The following TWSG1 variants were observed in gnomAD, a reference collection of about 807,000 sequenced individuals.
TWSG1 encodes twisted gastrulation BMP signaling modulator 1.
TWSG1 carries 15 observed loss-of-function variants against 23.0 expected under a neutral mutation model. The ratio of observed to expected loss-of-function variants is 0.65; its 90% confidence interval spans 0.44 to 1.00. TWSG1 has a LOEUF of 1.00. Among genes scored for constraint, TWSG1 ranks in the 50% least tolerant of loss-of-function variants. TWSG1 has a pLI of 0.00. For missense variants in TWSG1, 242 were observed against 278.7 expected (o/e 0.87, Z 0.94); for synonymous variants, 86 against 92.8 (o/e 0.93, Z 0.42).
intron 3 of TWSG1, among the ~76,000 whole-genome samples, chr18:9,365,411 G>A (rs1179801253): frequency 1.3e-5 from 2 of 151,988 alleles, no homozygotes; most frequent in African/African-American, 2.4e-5. Context: ...GCAGTTGCTC[G>A]TGCCTATAAT....
At position 9,369,797 on chromosome 18, in the gene TWSG1, T is replaced by C. The variant is rs143099413; in HGVS notation, c.223+9726T>C. Among the ~76,000 whole-genome samples the C allele has an allele frequency of 1.3e-4, 20 of 152,128 alleles. No individual in the cohort carries two copies. The East Asian group carries it at 3.5e-3, about 27-fold the overall frequency. The stretch of plus-strand genomic sequence containing the variant: ...CTTCCCACCTCAGCCTCCCAAAGCA[T>C]TGGGATTACAGGCGTGAGCCACCAT... On this transcript the variant is annotated intron_variant, in intron 3 of 4. Coordinates refer to ENST00000262120, the MANE Select transcript of TWSG1 (RefSeq NM_020648.6).
At chr18:9,373,318 C>T (rs1339171192) in intron 3 of TWSG1, among the ~76,000 whole-genome samples, 1 of 152,072 alleles carries the variant, frequency 6.6e-6, no homozygotes, top group African/African-American at 2.4e-5. Context: ...CACTTGAGGG[C>T]AGGAGTTCAA....
In TWSG1 at chr18:9,336,947, G is replaced by T. The variant is rs563854578; in HGVS notation, c.-37-246G>T. Among the ~76,000 whole-genome samples the T allele has an allele frequency of 3.3e-5, 5 of 152,282 alleles. No homozygotes were observed. The South Asian group carries it at 1.0e-3, about 32-fold the overall frequency. On this transcript the variant is annotated intron_variant, in intron 1 of 4. Coordinates refer to ENST00000262120, the MANE Select transcript of TWSG1 (RefSeq NM_020648.6). ...TTTGAAGGCCAGGCATGGTGGTATT[G>T]TCTGTAGTCCCAGATAACTGGGAGG...
intron 3 of TWSG1, among the ~76,000 whole-genome samples, chr18:9,366,037 G>C (rs6506655): frequency 6.6e-6 from 1 of 151,966 alleles, no homozygotes; most frequent in African/African-American, 2.4e-5. Flanking sequence ...AATAACTTGT[G>C]CCAATAAATA....
intron 2 of TWSG1, among the ~76,000 whole-genome samples, chr18:9,344,491 ATGTG>A (rs57863617): frequency 2.9e-5 from 4 of 136,766 alleles, no homozygotes; most frequent in East Asian, 2.2e-4. Flanking sequence ...TAGTGAATGC[ATGTG>A]TGTGTGTGTG....
At chr18:9,353,560 T>C (rs1382096810) in intron 2 of TWSG1, among the ~76,000 whole-genome samples, 1 of 152,220 alleles carries the variant, frequency 6.6e-6, no homozygotes, top group East Asian at 1.9e-4. Context: ...TTTTCCATCA[T>C]AAAATTATTG....
chr18:9,367,484 C>T (rs7244170), intron 3 of TWSG1, among the ~76,000 whole-genome samples: 10,222 of 152,136 alleles, frequency 0.067, 408 homozygotes, highest in Admixed American at 0.089. Flanking sequence ...ATGATGTCCT[C>T]CAGGTTCATC....
At chr18:9,389,475 T>A (rs560557630) in intron 3 of TWSG1, among the ~76,000 whole-genome samples, 63 of 152,298 alleles carry the variant, frequency 4.1e-4, no homozygotes, top group African/African-American at 1.5e-3. Context: ...ATTGGACAAG[T>A]CATTTGACTT....
At chr18:9,363,240 A>G (rs2040560947) in intron 3 of TWSG1, among the ~76,000 whole-genome samples, 1 of 152,168 alleles carries the variant, frequency 6.6e-6, no homozygotes, top group Non-Finnish European at 1.5e-5. Context: ...AGTAACCACC[A>G]TAGTTGATTT....
chr18:9,359,999 G>A lies in TWSG1; in HGVS notation c.151G>A (p.Gly51Ser). 6.2e-7 allele frequency: 1 copy of A among 1,613,606 alleles called. No homozygotes were observed. The highest frequency in any genetic ancestry group is 1.1e-5 in the South Asian group (1 of 91,044). The change falls in exon 3 of 5, where the codon GGC becomes AGC. Residue 51 changes from glycine (G) to serine (S), a missense_variant. Transcript: ENST00000262120. ...GCTCTGCCAGTGCCGGCCGGGAGAAGGCAATTGCTCCTGCTGTAAGGAGTG... is the reference window on the plus strand; with the variant it reads ...GCTCTGCCAGTGCCGGCCGGGAGAAAGCAATTGCTCCTGCTGTAAGGAGTG... ...QELCQCRPGEGNCSCCKECML... is the reference protein window; with the variant it reads ...QELCQCRPGESNCSCCKECML...
intron 2 of TWSG1, among the ~76,000 whole-genome samples, chr18:9,351,057 A>T (rs2040499828): frequency 6.6e-6 from 1 of 152,136 alleles, no homozygotes; most frequent in South Asian, 2.1e-4. Context: ...AATTAGATTT[A>T]TTCCTACATT....
chr18:9,359,906 T>C, intron 2 of TWSG1, 66 bp from the exon 3 acceptor site: 1 of 1,339,892 alleles, frequency 7.5e-7, no homozygotes, highest in Admixed American at 1.9e-5. Context: ...GGTTTTTTGC[T>C]TAAAAAGTAG....
At chr18:9,381,324 A>T (rs1418445331) in intron 3 of TWSG1, among the ~76,000 whole-genome samples, 2 of 152,190 alleles carry the variant, frequency 1.3e-5, no homozygotes, top group African/African-American at 4.8e-5. Context: ...GGACCCCTCT[A>T]TACTCTGAAA....
At position 9,385,621 on chromosome 18, in the gene TWSG1, G is replaced by A. The variant is rs1253519581; in HGVS notation, c.224-10659G>A. Among the ~76,000 whole-genome samples, 10 of 41,126 alleles carry A rather than the reference G, an allele frequency of 2.4e-4. 3 individuals are homozygous for A. Among genetic ancestry groups the A allele is most frequent in the Non-Finnish European group, 4.3e-4 (9 of 21,082 alleles). 27.0% of individuals were successfully genotyped at this position (41,126 alleles called of 152,430 possible). ...GGAGAATGGCGTGAACCCGGGAAGC[G>A]GAGCTTGCAGTGAGCCGAGATTGCG... On this transcript the variant is annotated intron_variant, in intron 3 of 4. Coordinates refer to ENST00000262120, the MANE Select transcript of TWSG1 (RefSeq NM_020648.6).
Position 9,385,689 on chromosome 18 carries a change from C to G in TWSG1, c.224-10591C>G, listed in dbSNP as rs1393459388. On this transcript the variant is annotated intron_variant, in intron 3 of 4. Coordinates refer to ENST00000262120, the MANE Select transcript of TWSG1 (RefSeq NM_020648.6). Reference sequence around the variant, plus strand: ...CCGACCTGGGCGACAGAGCGAGACTCCGTCTCAAAAAAAAAAAAAAAAAAA... The same window carrying G: ...CCGACCTGGGCGACAGAGCGAGACTGCGTCTCAAAAAAAAAAAAAAAAAAA... Among the ~76,000 whole-genome samples the G allele has an allele frequency of 1.3e-4, 2 of 15,100 alleles. 1 individual carries two copies. The highest frequency in any genetic ancestry group is 2.1e-4 in the Non-Finnish European group (2 of 9,556). The allele number at this position is 15,100 out of a possible 152,430, so 9.9% of individuals were successfully genotyped here. A position where few individuals can be genotyped will look rare whatever the true frequency, so the allele number is the denominator to read the frequency against.
chr18:9,380,023 A>G (rs2040648936), intron 3 of TWSG1, among the ~76,000 whole-genome samples: 2 of 152,254 alleles, frequency 1.3e-5, no homozygotes, highest in Non-Finnish European at 1.5e-5. Flanking sequence ...TCTTAACATC[A>G]GGCATTCCCT....
At chr18:9,397,092 A>C (rs370248802) in intron 4 of TWSG1, 2 of 153,914 alleles carry the variant, frequency 1.3e-5, no homozygotes, top group South Asian at 2.0e-4. Context: ...GCATGTCAGC[A>C]TATTGTCAGA....
intron 3 of TWSG1, among the ~76,000 whole-genome samples, chr18:9,386,173 AAAG>A (rs566163616): frequency 6.6e-5 from 10 of 151,590 alleles, no homozygotes; most frequent in Non-Finnish European, 1.2e-4. Flanking sequence ...CAAAAAAAAA[AAAG>A]AAGCCGAGTG....
intron 2 of TWSG1, among the ~76,000 whole-genome samples, chr18:9,344,101 T>C (rs2040462169): frequency 6.6e-6 from 1 of 152,176 alleles, no homozygotes; most frequent in Non-Finnish European, 1.5e-5. Context: ...AGACAGGATC[T>C]TATTATGTTG....
Sources: gnomAD v4.1 joint callset for allele counts (sites outside exome capture counted in the v4.1 genomes callset) on GRCh38, gnomAD v4.1.1 for gene constraint, MANE v1.5 for transcripts, NCBI Gene and HGNC (gene_info 2026-07-23, HGNC 2026-07-21) for gene names.